NTN1: variants seen among roughly 807,000 people sequenced by gnomAD.
The protein encoded by NTN1 is netrin 1, also known as netrin-1.
NTN1 carries 11 observed loss-of-function variants against 54.2 expected under a neutral mutation model. The ratio of observed to expected loss-of-function variants is 0.20; its 90% confidence interval spans 0.13 to 0.34. The LOEUF is 0.34. Ranked by LOEUF, NTN1 falls within the 10% of genes least tolerant of loss-of-function variation. NTN1 has a pLI of 1.00. For synonymous variants in NTN1, 371 were observed against 382.0 expected, an observed-to-expected ratio of 0.97 and a Z score of 0.33; for missense variants, 740 against 893.1, an observed-to-expected ratio of 0.83 and a Z score of 2.18.
At position 9,219,623 on chromosome 17, in the gene NTN1, C is replaced by G. The variant is rs1905287017; in HGVS notation, c.1412-1545C>G. On this transcript the variant is annotated intron_variant, in intron 5 of 6. Transcript: ENST00000173229. This position sits in a 1 kb window ranked among gnomAD's most constrained non-coding sequence, Gnocchi z 4.5. The stretch of plus-strand genomic sequence containing the variant: ...GATGGAGGCAGTGGCCTTCACAGGC[C>G]AGAGGCCAGCCCTGGAGAGGTCTCC... Among the ~76,000 whole-genome samples, 1 of 152,216 alleles carries G rather than the reference C, an allele frequency of 6.6e-6. No individual in the cohort carries two copies. The highest frequency in any genetic ancestry group is 1.5e-5 in the Non-Finnish European group (1 of 68,036).
At chr17:9,124,660 A>G (rs908076165) in intron 2 of NTN1, among the ~76,000 whole-genome samples, 2 of 152,194 alleles carry the variant, frequency 1.3e-5, no homozygotes, top group Non-Finnish European at 2.9e-5. Context: ...CCGAGCACCT[A>G]CCTACCTCAT....
At chr17:9,086,568 A>G (rs909674997) in intron 2 of NTN1, among the ~76,000 whole-genome samples, 3 of 152,124 alleles carry the variant, frequency 2.0e-5, no homozygotes, top group African/African-American at 4.8e-5. Context: ...GAGGTACCAG[A>G]GCCACTTGCG....
upstream of NTN1, among the ~76,000 whole-genome samples, chr17:9,016,678 CCA>C (rs2091832684): frequency 6.6e-6 from 1 of 152,182 alleles, no homozygotes. Flanking sequence ...GTTTCCTCTT[CCA>C]TCCTGTCCTG....
chr17:9,240,159 C>G lies in NTN1; in HGVS notation c.*191C>G, dbSNP rs184106895. ...TCCCCCTACCCCCACCCTGCGCGCT[C>G]TGGGCGGGAGCCGCGTGCACGCGGG... On this transcript the variant is annotated 3_prime_UTR_variant, in exon 7 of 7. Coordinates refer to ENST00000173229, the MANE Select transcript of NTN1 (RefSeq NM_004822.3). 29,293 of 225,238 alleles carry G rather than the reference C, an allele frequency of 0.13. 2,341 individuals are homozygous for G. The highest frequency in any genetic ancestry group is 0.15 in the East Asian group (885 of 5,720). The allele number at this position is 225,238 out of a possible 1,614,324, so 14.0% of individuals were successfully genotyped here.
chr17:9,016,324 C>A, the NTN1 span, among the ~76,000 whole-genome samples: 1 of 150,912 alleles, frequency 6.6e-6, no homozygotes, highest in African/African-American at 2.4e-5. Context: ...TCTCTAATCA[C>A]CCTCCATTCT....
At chr17:9,233,329 G>T (rs1905878669) in intron 6 of NTN1, among the ~76,000 whole-genome samples, 1 of 152,096 alleles carries the variant, frequency 6.6e-6, no homozygotes, top group African/African-American at 2.4e-5. Flanking sequence ...TTCCCGCCCT[G>T]TGTCGGTTCC....
the NTN1 span, among the ~76,000 whole-genome samples, chr17:9,004,922 G>A: frequency 6.6e-6 from 1 of 152,214 alleles, no homozygotes; most frequent in Non-Finnish European, 1.5e-5. Flanking sequence ...TCCCAGGTGT[G>A]TAGGGGAGAT....
chr17:9,091,888 C>G (rs1161024894), intron 2 of NTN1, among the ~76,000 whole-genome samples: 1 of 152,180 alleles, frequency 6.6e-6, no homozygotes, highest in African/African-American at 2.4e-5. Flanking sequence ...GCCCCAGACT[C>G]TGGAAACCTC....
rs1906310419 is a variant in NTN1, at chr17:9,243,730, T to A, written c.*3762T>A. The A allele has an allele frequency of 6.6e-6, 1 of 152,246 alleles. No homozygotes were observed. The highest frequency in any genetic ancestry group is 2.4e-5 in the African/African-American group (1 of 41,448). The allele number at this position is 152,246 out of a possible 1,614,324, so 9.4% of individuals were successfully genotyped here. On this transcript the variant is annotated 3_prime_UTR_variant, in exon 7 of 7. Coordinates refer to ENST00000173229, the MANE Select transcript of NTN1 (RefSeq NM_004822.3). ...CTCTGCCCCCTCCTGTGTTTTGGAT[T>A]TCTGTTCACTCAGAATTGTAAATGT...
chr17:9,169,091 A>T (rs1159071947), intron 3 of NTN1, among the ~76,000 whole-genome samples: 1 of 152,200 alleles, frequency 6.6e-6, no homozygotes, highest in Non-Finnish European at 1.5e-5. Flanking sequence ...AGACATGAGC[A>T]TCACAAACCT....
At chr17:9,114,145 A>C (rs2092201636) in intron 2 of NTN1, among the ~76,000 whole-genome samples, 1 of 85,992 alleles carries the variant, frequency 1.2e-5, no homozygotes. Flanking sequence ...CTGGGTGCCA[A>C]AAAAAAAGAA....
chr17:9,060,514 A>G (rs979899180), intron 2 of NTN1, among the ~76,000 whole-genome samples: 2 of 152,172 alleles, frequency 1.3e-5, no homozygotes, highest in African/African-American at 4.8e-5. Flanking sequence ...TGTGTTGTTC[A>G]GAGGTCAACT....
intron 2 of NTN1, among the ~76,000 whole-genome samples, chr17:9,127,856 C>T (rs528755943): frequency 6.6e-6 from 1 of 152,226 alleles, no homozygotes; most frequent in South Asian, 2.1e-4. Flanking sequence ...GTGATGCACG[C>T]CTGTAATCCC....
chr17:9,053,673 T>C (rs553708216), intron 2 of NTN1, among the ~76,000 whole-genome samples: 1 of 152,312 alleles, frequency 6.6e-6, no homozygotes, highest in East Asian at 1.9e-4. Context: ...ACATATACAG[T>C]GGATAAATAC....
intron 5 of NTN1, among the ~76,000 whole-genome samples, chr17:9,196,879 C>T (rs1424272201): frequency 2.0e-5 from 3 of 152,092 alleles, no homozygotes; most frequent in South Asian, 2.1e-4. Flanking sequence ...GTGTTGGAGC[C>T]GGCTCACACC....
At chr17:9,150,878 C>T (rs936220789) in intron 2 of NTN1, among the ~76,000 whole-genome samples, 1 of 152,182 alleles carries the variant, frequency 6.6e-6, no homozygotes, top group Admixed American at 6.5e-5. Flanking sequence ...GGCCGGGTGC[C>T]CGGCACAGCG....
chr17:9,115,112 G>A (rs1195977200), intron 2 of NTN1, among the ~76,000 whole-genome samples: 5 of 152,244 alleles, frequency 3.3e-5, no homozygotes, highest in Non-Finnish European at 5.9e-5. Flanking sequence ...CTGTTCGTCA[G>A]TTCTGTGACA....
At chr17:9,233,092 C>T (rs746257543) in intron 6 of NTN1, among the ~76,000 whole-genome samples, 6 of 152,020 alleles carry the variant, frequency 3.9e-5, no homozygotes, top group Non-Finnish European at 5.9e-5. Flanking sequence ...AGAGGCTGAC[C>T]ACCTCAGCCT....
At chr17:9,114,531 T>C (rs1435736866) in intron 2 of NTN1, among the ~76,000 whole-genome samples, 1 of 151,112 alleles carries the variant, frequency 6.6e-6, no homozygotes, top group East Asian at 1.9e-4. Flanking sequence ...GGCAGGCAGA[T>C]CTCCTGAGGT....
Sources: gnomAD v4.1 joint callset for allele counts (sites outside exome capture counted in the v4.1 genomes callset) on GRCh38, gnomAD v4.1.1 for gene constraint, Gnocchi (gnomAD v3.1) non-coding constraint, MANE v1.5 for transcripts, NCBI Gene and HGNC (gene_info 2026-07-23, HGNC 2026-07-21) for gene names.